Variants in IGSF21 observed in about 807,000 individuals in gnomAD.
IGSF21 encodes the protein immunoglobulin superfamily member 21.
A neutral mutation model predicts 46.8 loss-of-function variants in IGSF21; 28 were observed. The observed-to-expected ratio is 0.60, with a 90% CI of 0.44 to 0.82. The LOEUF is 0.82. Ranked by LOEUF, IGSF21 falls within the 40% of genes least tolerant of loss-of-function variation. IGSF21 has a pLI of 0.00. For missense variants in IGSF21, 624 were observed against 665.5 expected, an observed-to-expected ratio of 0.94 and a Z score of 0.69; for synonymous variants, 284 against 273.6, an observed-to-expected ratio of 1.04 and a Z score of -0.38.
In IGSF21 at chr1:18,125,165, C is replaced by T. The variant is rs139268857; in HGVS notation, c.70+16967C>T. 1.7e-3 allele frequency among the ~76,000 whole-genome samples: 260 copies of T among 152,320 alleles called. 2 individuals are homozygous for T. Among genetic ancestry groups the T allele is most frequent in the Middle Eastern group, 0.017 (5 of 294 alleles). ...GGCTCTCAGCACTGAAGACACAGCA[C>T]TCCCAGCTGCCCCAGGGCCTTTGCA... On this transcript the variant is annotated intron_variant, in intron 1 of 9. Transcript: ENST00000251296.
At chr1:18,267,342 A>T (rs2084999489) in intron 2 of IGSF21, among the ~76,000 whole-genome samples, 3 of 152,274 alleles carry the variant, frequency 2.0e-5, no homozygotes, top group Admixed American at 2.0e-4. Flanking sequence ...CTGGACAAGG[A>T]TTAGAAGGTG....
intron 1 of IGSF21, among the ~76,000 whole-genome samples, chr1:18,135,482 A>G (rs957901095): frequency 2.9e-4 from 42 of 147,270 alleles, no homozygotes; most frequent in African/African-American, 8.6e-4. Context: ...TCATTGTTCA[A>G]TTCCCACCTA....
chr1:18,351,750 C>T (rs1424600094), intron 4 of IGSF21, among the ~76,000 whole-genome samples: 1 of 152,202 alleles, frequency 6.6e-6, no homozygotes, highest in Non-Finnish European at 1.5e-5. Context: ...TTGAAAACAT[C>T]CCCCAAATTG....
chr1:18,327,302 A>T (rs2085667089), intron 3 of IGSF21, among the ~76,000 whole-genome samples: 1 of 152,202 alleles, frequency 6.6e-6, no homozygotes, highest in Non-Finnish European at 1.5e-5. Context: ...ACAAAAACTC[A>T]TGAAAAACCA....
At chr1:18,165,907 A>G (rs985358865) in intron 1 of IGSF21, among the ~76,000 whole-genome samples, 2 of 152,196 alleles carry the variant, frequency 1.3e-5, no homozygotes, top group South Asian at 2.1e-4. Flanking sequence ...CTCTTTTAAA[A>G]AGTTCTAAGT....
intron 1 of IGSF21, among the ~76,000 whole-genome samples, chr1:18,177,391 A>AGG (rs2086810583): frequency 5.3e-5 from 1 of 18,842 alleles, no homozygotes. Flanking sequence ...GGGGTCAGTG[A>AGG]GGTGTGTGTG....
At chr1:18,159,076 C>A (rs1189843450) in intron 1 of IGSF21, among the ~76,000 whole-genome samples, 5 of 152,190 alleles carry the variant, frequency 3.3e-5, no homozygotes, top group African/African-American at 1.2e-4. Context: ...CGCCTCTCTG[C>A]CCATCCCCTG....
intron 1 of IGSF21, among the ~76,000 whole-genome samples, chr1:18,173,459 CA>C (rs1367861389): frequency 2.0e-5 from 3 of 152,226 alleles, no homozygotes; most frequent in African/African-American, 7.2e-5. Flanking sequence ...AAAGTCCCAT[CA>C]CGGACCTTTT....
intron 1 of IGSF21, among the ~76,000 whole-genome samples, chr1:18,125,087 A>T (rs1012339424): frequency 6.6e-6 from 1 of 151,954 alleles, no homozygotes; most frequent in African/African-American, 2.4e-5. Context: ...CATCTGAGGG[A>T]CTCACTGGAG....
chr1:18,140,810 C>A (rs989147612), intron 1 of IGSF21, among the ~76,000 whole-genome samples: 1 of 152,202 alleles, frequency 6.6e-6, no homozygotes, highest in African/African-American at 2.4e-5. Flanking sequence ...CATTTACACC[C>A]AGGATTACCA....
chr1:18,140,534 A>G (rs2086406100), intron 1 of IGSF21, among the ~76,000 whole-genome samples: 1 of 152,132 alleles, frequency 6.6e-6, no homozygotes, highest in African/African-American at 2.4e-5. Context: ...GCGGCCGCAT[A>G]TGCATGCTCC....
In IGSF21 at chr1:18,335,395, G is replaced by T. The variant is rs1284687157; in HGVS notation, c.424+385G>T. 6.6e-6 allele frequency among the ~76,000 whole-genome samples: 1 copy of T among 152,240 alleles called. No individual in the cohort carries two copies. Among genetic ancestry groups the T allele is most frequent in the Non-Finnish European group, 1.5e-5 (1 of 68,032 alleles). ...CTTAATGGAGAGGGCATAGGATCTGGAGATGAATTAGAAAGCGCTCATGGC... is the reference window on the plus strand; with the variant it reads ...CTTAATGGAGAGGGCATAGGATCTGTAGATGAATTAGAAAGCGCTCATGGC... On this transcript the variant is annotated intron_variant, in intron 4 of 9. Transcript: ENST00000251296. The surrounding 1 kb of genome is among the most constrained non-coding windows in gnomAD (Gnocchi z 4.8).
At position 18,134,650 on chromosome 1, in the gene IGSF21, C is replaced by G. The variant is rs1249438066; in HGVS notation, c.70+26452C>G. On this transcript the variant is annotated intron_variant, in intron 1 of 9. Coordinates refer to ENST00000251296, the MANE Select transcript of IGSF21 (RefSeq NM_032880.5). The stretch of plus-strand genomic sequence containing the variant: ...TTGGCCTGGCCTCCTCAGTGCCCAC[C>G]CCCCTCTTCCCCACCACAGCACCCA... Among the ~76,000 whole-genome samples, 7 of 152,262 alleles carry G rather than the reference C, an allele frequency of 4.6e-5. No individual in the cohort carries two copies. In the East Asian group the frequency reaches 1.2e-3, roughly 25 times the overall value.
In IGSF21 at chr1:18,378,305, A is replaced by G. The variant is rs531875286; in HGVS notation, c.1383A>G (p.Thr461=). 6.2e-7 allele frequency: 1 copy of G among 1,613,916 alleles called. No individual in the cohort carries two copies. The highest frequency in any genetic ancestry group is 1.3e-5 in the African/African-American group (1 of 75,050). The change falls in exon 10 of 10, where the codon ACA becomes ACG. Residue 461 remains threonine (T), a synonymous_variant. Coordinates refer to ENST00000251296, the MANE Select transcript of IGSF21 (RefSeq NM_032880.5). ...GARLTLVLAL[T]VILELT The stretch of plus-strand genomic sequence containing the variant: ...GGCTCACCTTGGTGCTCGCCCTGAC[A>G]GTGATTCTGGAGCTGACGTGAAGGC...
intron 3 of IGSF21, among the ~76,000 whole-genome samples, chr1:18,307,553 C>T (rs1324982053): frequency 1.3e-5 from 2 of 152,214 alleles, no homozygotes; most frequent in Non-Finnish European, 2.9e-5. Context: ...AGCAGCTGAG[C>T]CGGGATTCAA....
intron 1 of IGSF21, among the ~76,000 whole-genome samples, chr1:18,182,241 A>C (rs1395608378): frequency 7.5e-6 from 1 of 133,022 alleles, no homozygotes; most frequent in African/African-American, 2.9e-5. Flanking sequence ...CAGTGGCGTG[A>C]TCTCGGCTCA....
chr1:18,108,577 CTG>C (rs2086113324), intron 1 of IGSF21, among the ~76,000 whole-genome samples: 1 of 151,132 alleles, frequency 6.6e-6, no homozygotes. Context: ...GTTAGAGTGT[CTG>C]TGTCAGTTAC....
At chr1:18,240,703 G>T (rs2084718796) in intron 2 of IGSF21, among the ~76,000 whole-genome samples, 1 of 152,218 alleles carries the variant, frequency 6.6e-6, no homozygotes, top group Non-Finnish European at 1.5e-5. Context: ...CTTTCCCACA[G>T]TTGGAGCTTT....
At chr1:18,163,239 GA>G (rs955306701) in intron 1 of IGSF21, among the ~76,000 whole-genome samples, 21 of 146,778 alleles carry the variant, frequency 1.4e-4, no homozygotes, top group East Asian at 1.4e-3. Context: ...GGGCAAAAAA[GA>G]AAAAAAAAAG....
Sources: allele counts gnomAD v4.1 joint callset (sites outside exome capture counted in the v4.1 genomes callset), GRCh38; gene constraint gnomAD v4.1.1; non-coding constraint Gnocchi (gnomAD v3.1); transcripts MANE v1.5; gene names NCBI Gene and HGNC (gene_info 2026-07-23, HGNC 2026-07-21).